NAV2: variants seen among roughly 807,000 people sequenced by gnomAD.
NAV2 encodes neuron navigator 2, also known as helicase, APC down-regulated 1.
In NAV2, 54 loss-of-function variants were observed where a neutral mutation model predicts 223.2. The observed-to-expected ratio is 0.24, with a 90% CI of 0.19 to 0.30. The LOEUF is 0.30. NAV2 is among the 10% of genes least tolerant of loss of function. The probability of loss-of-function intolerance (pLI) is 1.00; values close to 1 mark genes in which losing one functional copy is unlikely to be tolerated. For missense variants in NAV2, 2,806 were observed against 3,147.5 expected, an observed-to-expected ratio of 0.89 and a Z score of 2.60; for synonymous variants, 1,279 against 1,239.3, an observed-to-expected ratio of 1.03 and a Z score of -0.67.
At chr11:19,462,829 C>G (rs538574989) in intron 1 of NAV2, among the ~76,000 whole-genome samples, 1 of 152,296 alleles carries the variant, frequency 6.6e-6, no homozygotes, top group South Asian at 2.1e-4. Flanking sequence ...AGTCTTGATA[C>G]GTGCGTGCTA....
chr11:19,814,606 G>A (rs951825769), intron 1 of NAV2, among the ~76,000 whole-genome samples: 2 of 152,132 alleles, frequency 1.3e-5, no homozygotes, highest in Admixed American at 6.5e-5. Flanking sequence ...TGGCGCTCTG[G>A]TTTTACAATC....
At chr11:19,540,050 C>A (rs1207181249) in intron 1 of NAV2, among the ~76,000 whole-genome samples, 1 of 152,164 alleles carries the variant, frequency 6.6e-6, no homozygotes, top group Non-Finnish European at 1.5e-5. Context: ...TTGTTCCCAG[C>A]AACTGAGGGG....
rs191230282 is a variant in NAV2 at position 19,697,238 on chromosome 11, G to A, written c.76-135246G>A. Among the ~76,000 whole-genome samples the A allele has an allele frequency of 2.3e-3, 350 of 152,302 alleles. 2 individuals are homozygous for A. Among genetic ancestry groups the A allele is most frequent in the African/African-American group, 8.1e-3 (337 of 41,564 alleles). On this transcript the variant is annotated intron_variant, in intron 1 of 37. Coordinates refer to the NAV2 transcript ENST00000360655. The stretch of plus-strand genomic sequence containing the variant: ...GGGAGCTAAGCACTGAATACACATG[G>A]TGGTAAAGATGGGAACAATAGACAC...
chr11:20,101,069 C>A lies in NAV2; in HGVS notation c.6314C>A (p.Thr2105Asn), dbSNP rs1427442205. The A allele has an allele frequency of 6.2e-7, 1 of 1,614,154 alleles. No individual in the cohort carries two copies. The highest frequency in any genetic ancestry group is 2.2e-5 in the East Asian group (1 of 44,872). Residue 2105 changes from threonine to asparagine, a missense_variant, in exon 32 of 38, where the codon ACC (threonine) becomes AAC (asparagine). Transcript: ENST00000349880. ...ILSGPSGTGK[T>N]YLANRLSEYI... ...TCTGGCCCCAGCGGCACTGGGAAAA[C>A]CTACCTGGCCAACCGGCTGTCTGAG... is the stretch of plus-strand genomic sequence containing the variant.
chr11:19,662,326 G>A (rs1714461282), intron 1 of NAV2, among the ~76,000 whole-genome samples: 2 of 152,236 alleles, frequency 1.3e-5, no homozygotes, highest in African/African-American at 2.4e-5. Context: ...GCTGTGGTCA[G>A]AGTCACTGTG....
At chr11:19,937,783 A>G (rs2046041824) in intron 7 of NAV2, among the ~76,000 whole-genome samples, 1 of 152,244 alleles carries the variant, frequency 6.6e-6, no homozygotes, top group Non-Finnish European at 1.5e-5. Flanking sequence ...TGTGTAGCAT[A>G]TGAACTTGAA....
At chr11:19,762,364 G>A (rs1229250877) in intron 1 of NAV2, among the ~76,000 whole-genome samples, 3 of 152,154 alleles carry the variant, frequency 2.0e-5, no homozygotes, top group Non-Finnish European at 4.4e-5. Context: ...TCCCTACAAT[G>A]ATATGCAAAG....
At chr11:20,097,468 A>T in intron 30 of NAV2, 109 bp from the exon 31 acceptor site, 3 of 915,876 alleles carry the variant, frequency 3.3e-6, no homozygotes, top group Non-Finnish European at 4.6e-6. Context: ...TTCAACTCAG[A>T]CATCTGAGAA....
At chr11:19,988,551 T>C (rs10833216) in intron 11 of NAV2, among the ~76,000 whole-genome samples, 105,388 of 151,316 alleles carry the variant, frequency 0.7, 37,640 homozygotes, top group Middle Eastern at 0.83. Context: ...TTTCTTTTCT[T>C]CTTGTTATAA....
intron 1 of NAV2, chr11:19,714,491 C>T (rs1475917495): frequency 2.2e-6 from 1 of 456,214 alleles, no homozygotes; most frequent in Non-Finnish European, 4.4e-6. Flanking sequence ...GATGACCTGT[C>T]CCTGCCCCAT....
intron 6 of NAV2, among the ~76,000 whole-genome samples, chr11:19,898,400 A>G (rs2042174461): frequency 6.6e-6 from 1 of 152,220 alleles, no homozygotes; most frequent in Non-Finnish European, 1.5e-5. Flanking sequence ...TTTCTTAGAA[A>G]GTGCTTTATA....
intron 1 of NAV2, among the ~76,000 whole-genome samples, chr11:19,616,304 C>CTGTGTGTGTG (rs113035353): frequency 0.072 from 10,100 of 140,562 alleles, 887 homozygotes; most frequent in African/African-American, 0.2. Flanking sequence ...TTGCTTCTGA[C>CTGTGTGTGTG]TGTGTGTGTG....
chr11:20,062,264 T>G (rs2058752623), intron 19 of NAV2, 43 bp from the exon 20 acceptor site: 1 of 1,510,162 alleles, frequency 6.6e-7, no homozygotes, highest in Non-Finnish European at 9.1e-7. Context: ...TTTGGTTCCA[T>G]AACAGCCATC....
intron 10 of NAV2, among the ~76,000 whole-genome samples, chr11:19,979,925 G>A (rs1262286900): frequency 6.6e-6 from 1 of 152,234 alleles, no homozygotes; most frequent in Non-Finnish European, 1.5e-5. Flanking sequence ...CTGAACAATA[G>A]AGATGACAAT....
chr11:19,835,996 G>A (rs1264752462), intron 2 of NAV2, among the ~76,000 whole-genome samples: 1 of 152,028 alleles, frequency 6.6e-6, no homozygotes, highest in Non-Finnish European at 1.5e-5. Flanking sequence ...CTTGGGCCTG[G>A]GTCTTAGTTG....
intron 1 of NAV2, among the ~76,000 whole-genome samples, chr11:19,444,147 TGG>T (rs1851502548): frequency 6.6e-6 from 1 of 152,216 alleles, no homozygotes; most frequent in South Asian, 2.1e-4. Flanking sequence ...TTCACCATCT[TGG>T]GCAGGATGGT....
intron 1 of NAV2, among the ~76,000 whole-genome samples, chr11:19,382,557 G>A (rs1483696694): frequency 1.3e-5 from 2 of 152,132 alleles, no homozygotes; most frequent in Non-Finnish European, 2.9e-5. Flanking sequence ...CAGCTCTGTG[G>A]GAAGTAATTG....
At chr11:19,718,426 A>C (rs1341368951) in intron 1 of NAV2, among the ~76,000 whole-genome samples, 2 of 151,908 alleles carry the variant, frequency 1.3e-5, no homozygotes, top group Non-Finnish European at 2.9e-5. Context: ...TTTTTAAAAA[A>C]GTAATTAGAA....
At chr11:19,487,163 C>T (rs767306492) in intron 1 of NAV2, among the ~76,000 whole-genome samples, 85 of 152,286 alleles carry the variant, frequency 5.6e-4, no homozygotes, top group Non-Finnish European at 9.6e-4. Context: ...GAGCCTGGGT[C>T]TGAAGCAGAG....
Sources: allele counts gnomAD v4.1 joint callset (sites outside exome capture counted in the v4.1 genomes callset), GRCh38; gene constraint gnomAD v4.1.1; transcripts MANE v1.5; gene names NCBI Gene and HGNC (gene_info 2026-07-23, HGNC 2026-07-21).